The following UNC13C variants were observed in gnomAD, a reference collection of about 807,000 sequenced individuals.
The protein encoded by UNC13C is unc-13 homolog C, also known as protein unc-13 homolog C.
Under a neutral mutation model 245.4 loss-of-function variants are expected in UNC13C, and 174 were observed. The ratio of observed to expected loss-of-function variants is 0.71; its 90% CI spans 0.63 to 0.80. UNC13C has a LOEUF of 0.80. UNC13C is among the 30% of genes least tolerant of loss of function. UNC13C has a pLI of 0.00. For synonymous variants in UNC13C, 992 were observed against 895.1 expected, an observed-to-expected ratio of 1.11 and a Z score of -1.93; for missense variants, 2,829 against 2,602.9, an observed-to-expected ratio of 1.09 and a Z score of -1.89.
chr15:54,375,793 T>C (rs997153686), intron 17 of UNC13C, among the ~76,000 whole-genome samples: 10 of 152,202 alleles, frequency 6.6e-5, no homozygotes, highest in African/African-American at 2.4e-4. Flanking sequence ...CGCCAGCCAA[T>C]GGCTAGATTG....
At chr15:54,583,153 T>A (rs939390) in intron 30 of UNC13C, among the ~76,000 whole-genome samples, 55,216 of 151,722 alleles carry the variant, frequency 0.36, 10,528 homozygotes, top group East Asian at 0.67. Flanking sequence ...GCCACACCAT[T>A]CCTATCATGA....
In UNC13C at chr15:54,478,765, T is replaced by G. The variant is rs568160061; in HGVS notation, c.4934-15843T>G. On this transcript the variant is annotated intron_variant, in intron 19 of 32. Transcript: ENST00000260323. ...CAATTTTGGAATAGGTGTGGTGTGG[T>G]GCTGAAAAAAATGTATATTCTGTTG... is the stretch of plus-strand genomic sequence containing the variant. Among the ~76,000 whole-genome samples the G allele has an allele frequency of 5.3e-5, 8 of 151,974 alleles. No individual in the cohort carries two copies. The South Asian group carries it at 1.2e-3, about 24-fold the overall frequency.
chr15:54,272,299 C>G (rs1314547951), intron 10 of UNC13C, among the ~76,000 whole-genome samples: 4 of 152,124 alleles, frequency 2.6e-5, no homozygotes, highest in African/African-American at 9.7e-5. Flanking sequence ...TGCTGCTCAG[C>G]CGGGGCTGAG....
chr15:54,288,700 A>G (rs1441197976), intron 10 of UNC13C, among the ~76,000 whole-genome samples: 1 of 152,080 alleles, frequency 6.6e-6, no homozygotes, highest in Non-Finnish European at 1.5e-5. Flanking sequence ...TCTGCCACCA[A>G]CAACCTCTTT....
intron 32 of UNC13C, among the ~76,000 whole-genome samples, chr15:54,626,103 A>G (rs937765595): frequency 1.3e-5 from 2 of 152,188 alleles, no homozygotes; most frequent in African/African-American, 4.8e-5. Flanking sequence ...GAAAATCAAG[A>G]ATATGAGAAT....
At chr15:54,351,700 T>C (rs1301256958) in intron 17 of UNC13C, among the ~76,000 whole-genome samples, 1 of 152,122 alleles carries the variant, frequency 6.6e-6, no homozygotes, top group Non-Finnish European at 1.5e-5. Context: ...ACCAATGCAT[T>C]TTTTATATCC....
At chr15:53,881,081 A>G in the UNC13C span, among the ~76,000 whole-genome samples, 1 of 152,330 alleles carries the variant, frequency 6.6e-6, no homozygotes, top group African/African-American at 2.4e-5. Context: ...GAGCCACAGA[A>G]AGGAAATAAA....
At chr15:54,386,878 G>T (rs1267818824) in intron 17 of UNC13C, among the ~76,000 whole-genome samples, 1 of 152,158 alleles carries the variant, frequency 6.6e-6, no homozygotes, top group Non-Finnish European at 1.5e-5. Flanking sequence ...CTGATGTCAG[G>T]AATGTCCCAA....
chr15:54,426,576 A>G (rs1361506151), intron 19 of UNC13C, among the ~76,000 whole-genome samples: 1 of 151,680 alleles, frequency 6.6e-6, no homozygotes, highest in Non-Finnish European at 1.5e-5. Context: ...TTTAGTCATT[A>G]GAAGCAAGTC....
At chr15:54,379,104 CTAGTTGCTCAGTTTTT>C (rs1273190545) in intron 17 of UNC13C, among the ~76,000 whole-genome samples, 1 of 152,050 alleles carries the variant, frequency 6.6e-6, no homozygotes, top group Non-Finnish European at 1.5e-5. Context: ...CTTAAGACCA[CTAGTTGCTCAGTTTTT>C]TTGTTTTCAG....
intron 19 of UNC13C, among the ~76,000 whole-genome samples, chr15:54,455,474 T>G (rs1413900634): frequency 6.6e-6 from 1 of 150,454 alleles, no homozygotes; most frequent in East Asian, 2.0e-4. Context: ...TTACATTCCC[T>G]CTAGCAGTGT....
intron 2 of UNC13C, among the ~76,000 whole-genome samples, chr15:54,061,643 A>G (rs954735059): frequency 1.3e-5 from 2 of 152,188 alleles, no homozygotes; most frequent in Admixed American, 6.5e-5. Flanking sequence ...AAAGGAAAGA[A>G]GACAGTGGAG....
chr15:54,520,513 T>G (rs563046468), intron 24 of UNC13C, among the ~76,000 whole-genome samples: 1 of 152,178 alleles, frequency 6.6e-6, no homozygotes, highest in South Asian at 2.1e-4. Flanking sequence ...CCTTAGCATA[T>G]GGGTGATAAT....
chr15:54,029,882 A>G (rs953825898), intron 2 of UNC13C, among the ~76,000 whole-genome samples: 1 of 152,158 alleles, frequency 6.6e-6, no homozygotes, highest in South Asian at 2.1e-4. Flanking sequence ...GAACACCTTC[A>G]TCTTTTCAGA....
intron 8 of UNC13C, among the ~76,000 whole-genome samples, chr15:54,254,607 C>T (rs1168946105): frequency 3.9e-5 from 6 of 152,122 alleles, no homozygotes; most frequent in East Asian, 1.9e-4. Flanking sequence ...AAAGGAGCTT[C>T]GAGATTAGTG....
At chr15:53,958,148 C>G in the UNC13C span, among the ~76,000 whole-genome samples, 2 of 152,096 alleles carry the variant, frequency 1.3e-5, no homozygotes, top group African/African-American at 4.8e-5. Context: ...TAATTTTAGA[C>G]GAAGTTTGTC....
chr15:54,533,178 T>C (rs1271854877), intron 26 of UNC13C, 112 bp downstream of exon 26: 12 of 738,344 alleles, frequency 1.6e-5, no homozygotes, highest in East Asian at 6.2e-5. Context: ...AGTCTTTCTA[T>C]AGAAATAAAT....
At chr15:54,043,155 A>T (rs1595758113) in intron 2 of UNC13C, among the ~76,000 whole-genome samples, 1 of 151,968 alleles carries the variant, frequency 6.6e-6, no homozygotes, top group Non-Finnish European at 1.5e-5. Context: ...AAAACCATAT[A>T]TTTTTTTTCA....
the UNC13C span, among the ~76,000 whole-genome samples, chr15:53,863,302 C>T: frequency 1.3e-5 from 2 of 152,116 alleles, no homozygotes; most frequent in African/African-American, 4.8e-5. Flanking sequence ...GAGTCATCCC[C>T]AAGTCTATGT....
Sources: allele counts gnomAD v4.1 joint callset (sites outside exome capture counted in the v4.1 genomes callset), GRCh38; gene constraint gnomAD v4.1.1; transcripts MANE v1.5; gene names NCBI Gene and HGNC (gene_info 2026-07-23, HGNC 2026-07-21).